The following ZNF33B variants were observed in gnomAD, a reference collection of about 807,000 sequenced individuals.
The protein encoded by ZNF33B is zinc finger protein 11b (KOX 2).
In ZNF33B, 29 loss-of-function variants were observed where a neutral mutation model predicts 45.8. The ratio of observed to expected loss-of-function variants is 0.63; its 90% CI spans 0.47 to 0.86. The LOEUF is 0.86. ZNF33B is among the 40% of genes least tolerant of loss of function. The probability of loss-of-function intolerance (pLI) is 0.00; values close to 1 mark genes in which losing one functional copy is unlikely to be tolerated. For missense variants in ZNF33B, 831 were observed against 909.9 expected (o/e 0.91, Z 1.12); for synonymous variants, 305 against 307.8 (o/e 0.99, Z 0.10).
chr10:42,606,236 G>A (rs143983581), intron 4 of ZNF33B, among the ~76,000 whole-genome samples: 1,823 of 151,370 alleles, frequency 0.012, 44 homozygotes, highest in African/African-American at 0.042. Flanking sequence ...AGGCCAAGGC[G>A]GGCAGATCAT....
intron 4 of ZNF33B, chr10:42,605,351 C>T (rs930148461): frequency 1.3e-5 from 2 of 151,528 alleles, no homozygotes; most frequent in South Asian, 2.1e-4. Flanking sequence ...AATACAACTC[C>T]TCACATGAAG....
chr10:42,585,657 A>C (rs1836919198), downstream of ZNF33B, among the ~76,000 whole-genome samples: 1 of 152,240 alleles, frequency 6.6e-6, no homozygotes, highest in African/African-American at 2.4e-5. Flanking sequence ...ATGACAAGGA[A>C]ATGCAAAACA....
rs763841584 is a variant in ZNF33B, at chr10:42,593,124, T to C, written c.1826A>G (p.Tyr609Cys). The change falls in exon 5 of 5, where the codon TAT becomes TGT. Residue 609 changes from tyrosine to cysteine, a missense_variant. Transcript: ENST00000359467. Reference sequence around the variant, plus strand: ...GGTTTTTCCACATTCATTACATTCATAGGGTTTCTCCCCTGTATGTGTTCT... The same window carrying C: ...GGTTTTTCCACATTCATTACATTCACAGGGTTTCTCCCCTGTATGTGTTCT... ...HNRTHTGEKP[Y>C]ECNECGKTFC... The C allele has an allele frequency of 1.2e-6, 2 of 1,613,864 alleles. No homozygotes were observed. Among genetic ancestry groups the C allele is most frequent in the Middle Eastern group, 1.7e-4 (1 of 6,056 alleles).
At chr10:42,606,681 T>C (rs1589041339) in intron 4 of ZNF33B, among the ~76,000 whole-genome samples, 1 of 151,866 alleles carries the variant, frequency 6.6e-6, no homozygotes, top group Non-Finnish European at 1.5e-5. Flanking sequence ...CTGGGGCCTA[T>C]TGAGGGGTTG....
intron 4 of ZNF33B, among the ~76,000 whole-genome samples, chr10:42,619,800 T>C (rs1281895667): frequency 6.6e-6 from 1 of 152,212 alleles, no homozygotes; most frequent in Non-Finnish European, 1.5e-5. Context: ...CAATTTAAAC[T>C]AGATTGTCAT....
At chr10:42,574,872 T>C (rs781704426) in intron 1 of ZNF33B, among the ~76,000 whole-genome samples, 2 of 152,138 alleles carry the variant, frequency 1.3e-5, no homozygotes, top group African/African-American at 4.8e-5. Context: ...ATCTTTCAAA[T>C]TGATTTAGAT....
At chr10:42,635,897 G>A (rs748253118) in intron 2 of ZNF33B, among the ~76,000 whole-genome samples, 9 of 152,086 alleles carry the variant, frequency 5.9e-5, no homozygotes, top group Admixed American at 2.6e-4. Flanking sequence ...TTGGGAGGCC[G>A]AGGAGGGCAG....
At chr10:42,580,178 T>C (rs1836803575) in intron 1 of ZNF33B, among the ~76,000 whole-genome samples, 1 of 152,208 alleles carries the variant, frequency 6.6e-6, no homozygotes, top group African/African-American at 2.4e-5. Context: ...ATAGGTAATA[T>C]TGAGGACGGT....
rs559020518 is a variant in ZNF33B, at chr10:42,635,140, C to T, written c.9+1780G>A. Reference sequence around the variant, plus strand: ...CCTGTAATTTCAGCTACTGGGGAGGCTTAGCCAGGAGAATCCCTGGAGCCC... The same window carrying T: ...CCTGTAATTTCAGCTACTGGGGAGGTTTAGCCAGGAGAATCCCTGGAGCCC... On this transcript the variant is annotated intron_variant, in intron 2 of 4. Coordinates refer to ENST00000359467, the MANE Select transcript of ZNF33B (RefSeq NM_006955.3). Among the ~76,000 whole-genome samples the T allele has an allele frequency of 2.3e-4, 35 of 151,898 alleles. No homozygotes were observed. The South Asian group carries it at 7.3e-3, about 32-fold the overall frequency.
chr10:42,596,832 G>A (rs1331774190), intron 4 of ZNF33B, among the ~76,000 whole-genome samples: 1 of 150,954 alleles, frequency 6.6e-6, no homozygotes, highest in Non-Finnish European at 1.5e-5. Context: ...CCATATCTTG[G>A]GAGACTCCAT....
intron 4 of ZNF33B, among the ~76,000 whole-genome samples, chr10:42,605,444 G>GA (rs545443195): frequency 2.6e-5 from 4 of 151,928 alleles, no homozygotes; most frequent in Non-Finnish European, 5.9e-5. Context: ...TCAGTGTACT[G>GA]AAAAAAAATT....
At chr10:42,616,495 A>G (rs1043010226) in intron 4 of ZNF33B, among the ~76,000 whole-genome samples, 2 of 152,080 alleles carry the variant, frequency 1.3e-5, no homozygotes, top group African/African-American at 4.8e-5. Context: ...TTGCTTGTAC[A>G]GATAATCAAA....
chr10:42,593,913 C>T lies in ZNF33B; in HGVS notation c.1037G>A (p.Arg346Gln), dbSNP rs1554821630. The change falls in exon 5 of 5, where the codon CGA (arginine) becomes CAA (glutamine). Residue 346 changes from arginine (R) to glutamine (Q), a missense_variant. Physicochemically the swap from Arg to Gln is conservative, Grantham distance 43. Coordinates refer to ENST00000359467, the MANE Select transcript of ZNF33B (RefSeq NM_006955.3). ...CTCTCCTGTGTGCACCCTCTGATGT[C>T]GAGTGAGATGTGACTTCTCCCAGAA... ...KAFWEKSHLT[R>Q]HQRVHTGEKH... 8.1e-6 allele frequency: 13 copies of T among 1,613,912 alleles called. No individual in the cohort carries two copies. The highest frequency in any genetic ancestry group is 1.6e-4 in the Middle Eastern group (1 of 6,062).
At chr10:42,634,940 G>T (rs1839219634) in intron 2 of ZNF33B, among the ~76,000 whole-genome samples, 1 of 152,142 alleles carries the variant, frequency 6.6e-6, no homozygotes, top group African/African-American at 2.4e-5. Flanking sequence ...AACTTTTTCT[G>T]TAAAAAATCA....
At chr10:42,584,851 C>T (rs1483335818), downstream of ZNF33B, among the ~76,000 whole-genome samples, 1 of 152,182 alleles carries the variant, frequency 6.6e-6, no homozygotes, top group Non-Finnish European at 1.5e-5. Flanking sequence ...GAACTCCTGA[C>T]AACCTCAGAG....
At chr10:42,595,446 T>C (rs1837356269) in intron 4 of ZNF33B, among the ~76,000 whole-genome samples, 1 of 152,078 alleles carries the variant, frequency 6.6e-6, no homozygotes, top group Admixed American at 6.6e-5. Context: ...AAAATAAGAC[T>C]TGTAATTCAA....
intron 4 of ZNF33B, among the ~76,000 whole-genome samples, chr10:42,607,349 A>G (rs918158943): frequency 2.0e-4 from 30 of 147,628 alleles, no homozygotes; most frequent in Admixed American, 1.7e-3. Flanking sequence ...ATAAACAAAC[A>G]TAGAGAGTGG....
intron 4 of ZNF33B, among the ~76,000 whole-genome samples, chr10:42,619,389 A>G (rs1420952019): frequency 6.6e-6 from 1 of 152,190 alleles, no homozygotes; most frequent in African/African-American, 2.4e-5. Context: ...AGAATTCTCT[A>G]GCTGGTAAAA....
At position 42,583,428 on chromosome 10, in the gene ZNF33B, G is replaced by A. The variant is rs544673588; in HGVS notation, c.74-8750C>T. ...AATTTGTCCCATAAATTTGGAAGTG[G>A]TATTGCCCGCTGAGATGGTACTAGA... On this transcript the variant is annotated intron_variant, in intron 1 of 1. Coordinates refer to the ZNF33B transcript ENST00000462075. 230 of 318,890 alleles carry A rather than the reference G, an allele frequency of 7.2e-4. 1 individual carries two copies. Among genetic ancestry groups the A allele is most frequent in the Middle Eastern group, 2.7e-3 (4 of 1,474 alleles). 19.8% of individuals were successfully genotyped at this position (318,890 alleles called of 1,614,324 possible). A position where few individuals can be genotyped will look rare whatever the true frequency, so the allele number is the denominator to read the frequency against.
Sources: gnomAD v4.1 joint callset for allele counts (sites outside exome capture counted in the v4.1 genomes callset) on GRCh38, gnomAD v4.1.1 for gene constraint, MANE v1.5 for transcripts, NCBI Gene and HGNC (gene_info 2026-07-23, HGNC 2026-07-21) for gene names.